IDH2: variants seen among roughly 807,000 people sequenced by gnomAD.
The protein encoded by IDH2 is isocitrate dehydrogenase (NADP(+)) 2, also known as isocitrate dehydrogenase [NADP], mitochondrial.
In IDH2, 18 loss-of-function variants were observed where a neutral mutation model predicts 50.5. The observed-to-expected ratio is 0.36, with a 90% CI of 0.25 to 0.53. The LOEUF is 0.53. IDH2 is among the 20% of genes least tolerant of loss of function. The pLI is 0.92. For missense variants in IDH2, 518 were observed against 610.7 expected (o/e 0.85, Z 1.60); for synonymous variants, 280 against 239.8 (o/e 1.17, Z -1.55).
At position 90,100,585 on chromosome 15, in the gene IDH2, C is replaced by CTGGTAAGCTCTAACTT. The variant is rs1242122546; in HGVS notation, c.115+1690_115+1691insAAGTTAGAGCTTACCA. The CTGGTAAGCTCTAACTT allele has an allele frequency of 3.1e-6, 3 of 981,344 alleles. No homozygotes were observed. In the African/African-American group the frequency reaches 5.2e-5, roughly 17 times the overall value. The allele number at this position is 981,344 out of a possible 1,614,324, so 60.8% of individuals were successfully genotyped here. A position where few individuals can be genotyped will look rare whatever the true frequency, so the allele number is the denominator to read the frequency against. The stretch of plus-strand genomic sequence containing the variant: ...CCAAGCTCTAACTTACCAGAAACAT[C>CTGGTAAGCTCTAACTT]ACCAGCAGTCGCTGGAAGCCTATGG... On this transcript the variant is annotated intron_variant, in intron 1 of 10. Transcript: ENST00000330062. The surrounding 1 kb of genome is among the most constrained non-coding windows in gnomAD (Gnocchi z 4.1).
intron 7 of IDH2, among the ~76,000 whole-genome samples, 178 bp downstream of exon 7, chr15:90,086,934 C>T (rs1484846656): frequency 6.6e-6 from 1 of 152,100 alleles, no homozygotes; most frequent in East Asian, 1.9e-4. Context: ...CAGTCCAAAC[C>T]TAATTTGTGA....
In IDH2 at chr15:90,088,474, C is replaced by G; in HGVS notation, c.563G>C (p.Arg188Pro). ...QYKATDFVADRAGTFKMVFTP... is the reference protein window; with the variant it reads ...QYKATDFVADPAGTFKMVFTP... The stretch of plus-strand genomic sequence containing the variant: ...GAAGACCATTTTGAAAGTGCCGGCC[C>G]GGTCTGCCACAAAGTCTGTGGCCTT... The change falls in exon 5 of 11, where the codon CGG (arginine) becomes CCG (proline). Residue 188 changes from arginine to proline, a missense_variant. Around this residue, in one of 5 missense-constraint regions of IDH2, gnomAD observed 207 missense variants for 208.6 expected, o/e 0.99. Coordinates refer to ENST00000330062, the MANE Select transcript of IDH2 (RefSeq NM_002168.4). 1 of 1,614,192 alleles carries G rather than the reference C, an allele frequency of 6.2e-7. No homozygotes were observed. Among genetic ancestry groups the G allele is most frequent in the Non-Finnish European group, 8.5e-7 (1 of 1,180,046 alleles).
At position 90,102,326 on chromosome 15, in the gene IDH2, G is replaced by A. The variant is rs770871840; in HGVS notation, c.65C>T (p.Ala22Val). The A allele has an allele frequency of 1.4e-4, 194 of 1,360,448 alleles. No individual in the cohort carries two copies. The highest frequency in any genetic ancestry group is 1.8e-4 in the Non-Finnish European group (186 of 1,046,758). 84.3% of individuals were successfully genotyped at this position (1,360,448 alleles called of 1,614,324 possible). A position where few individuals can be genotyped will look rare whatever the true frequency, so the allele number is the denominator to read the frequency against. ...GGTGGGGGCTGTCAGGGCCGCCGGCGCCCAGGCCGGCCGCGAGCCTGAGGC... is the reference window on the plus strand; with the variant it reads ...GGTGGGGGCTGTCAGGGCCGCCGGCACCCAGGCCGGCCGCGAGCCTGAGGC... ...CRASGSRPAWAPAALTAPTSQ... is the reference protein window; with the variant it reads ...CRASGSRPAWVPAALTAPTSQ... The change falls in exon 1 of 11, where the codon GCG (alanine) becomes GTG (valine). Residue 22 changes from alanine (A) to valine (V), a missense_variant. Physicochemically the swap from Ala to Val is moderately conservative, Grantham distance 64. This residue lies in a region of IDH2 where 85 missense variants were observed against 66.9 expected (regional missense o/e 1.27). Coordinates refer to ENST00000330062, the MANE Select transcript of IDH2 (RefSeq NM_002168.4).
rs1254490189 is a variant in IDH2 at position 90,088,689 on chromosome 15, C to A, written c.432G>T (p.Gly144=). 2.5e-6 allele frequency: 4 copies of A among 1,614,092 alleles called. No homozygotes were observed. The highest frequency in any genetic ancestry group is 3.4e-6 in the Non-Finnish European group (4 of 1,180,020). ...SPNGTIRNIL[G]GTVFREPIIC... ...TGATGGGCTCCCGGAAGACAGTCCC[C>A]CCCAGGATGTTCCGGATAGTTCCAT... Residue 144 remains glycine (G), a synonymous_variant, in exon 4 of 11, where the codon GGG becomes GGT. Coordinates refer to ENST00000330062, the MANE Select transcript of IDH2 (RefSeq NM_002168.4).
At chr15:90,088,217 C>A in intron 5 of IDH2, 142 bp downstream of exon 5, 1 of 1,095,888 alleles carries the variant, frequency 9.1e-7, no homozygotes. Flanking sequence ...CAAGTGTCAG[C>A]CACCATGCCC....
chr15:90,101,114 G>A (rs150578691), intron 1 of IDH2, among the ~76,000 whole-genome samples: 24 of 152,238 alleles, frequency 1.6e-4, no homozygotes, highest in Admixed American at 3.3e-4. Flanking sequence ...AGGTACAAAA[G>A]CAGACATGCC....
At chr15:90,086,165 T>G (rs749171139) in intron 7 of IDH2, among the ~76,000 whole-genome samples, 1 of 152,176 alleles carries the variant, frequency 6.6e-6, no homozygotes, top group Non-Finnish European at 1.5e-5. Context: ...CTTTCCAAAG[T>G]AAAGCCAAAG....
At chr15:90,089,352 C>T (rs777454828) in intron 3 of IDH2, among the ~76,000 whole-genome samples, 13 of 152,184 alleles carry the variant, frequency 8.5e-5, no homozygotes, top group African/African-American at 1.7e-4. Flanking sequence ...GAACGGTGCC[C>T]GGTCCATGCT....
rs574531670 is a variant in IDH2, at chr15:90,092,021, A to G, written c.116-377T>C. Among the ~76,000 whole-genome samples, 2 of 152,168 alleles carry G rather than the reference A, an allele frequency of 1.3e-5. 1 individual carries two copies. The highest frequency in any genetic ancestry group is 4.1e-4 in the South Asian group (2 of 4,826). On this transcript the variant is annotated intron_variant, in intron 1 of 10. Coordinates refer to ENST00000330062, the MANE Select transcript of IDH2 (RefSeq NM_002168.4). ...GAGGGATCTAGGTTGCATACTCCTTATGAGAATCTAATGCCTGATGATCTG... is the reference window on the plus strand; with the variant it reads ...GAGGGATCTAGGTTGCATACTCCTTGTGAGAATCTAATGCCTGATGATCTG...
rs1474872818 is a variant in IDH2 at position 90,098,971 on chromosome 15, G to A, written c.115+3305C>T. Among the ~76,000 whole-genome samples the A allele has an allele frequency of 6.6e-6, 1 of 152,062 alleles. No homozygotes were observed. Among genetic ancestry groups the A allele is most frequent in the East Asian group, 1.9e-4 (1 of 5,184 alleles). Reference sequence around the variant, plus strand: ...CTTGCCATAAGTGAGTGCCTGCTGCGTATCTAGATTTTTATGTAAAATCGC... The same window carrying A: ...CTTGCCATAAGTGAGTGCCTGCTGCATATCTAGATTTTTATGTAAAATCGC... On this transcript the variant is annotated intron_variant, in intron 1 of 10. Transcript: ENST00000330062. This position sits in a 1 kb window ranked among gnomAD's most constrained non-coding sequence, Gnocchi z 5.1.
chr15:90,084,543 T>C lies in IDH2; in HGVS notation c.1272-190A>G, dbSNP rs1471892988. ...CGAGATTCGGCAGGCACCCGCAGGG[T>C]CTGTCTTGCCAGGTAACTGCTCTCC... On this transcript the variant is annotated intron_variant, in intron 10 of 10. Coordinates refer to ENST00000330062, the MANE Select transcript of IDH2 (RefSeq NM_002168.4). This position sits in a 1 kb window ranked among gnomAD's most constrained non-coding sequence, Gnocchi z 5.0. 6.7e-6 allele frequency among the ~76,000 whole-genome samples: 1 copy of C among 149,320 alleles called. No homozygotes were observed. Among genetic ancestry groups the C allele is most frequent in the African/African-American group, 2.5e-5 (1 of 40,092 alleles).
rs1901031960 is a variant in IDH2, at chr15:90,091,409, GA to G, written c.207+143del. ...GTGGACCAGATGTGAAAGAAGGGTA[GA>G]CAGAGGGAGAGAAACAGAGCTGCTG... On this transcript the variant is annotated intron_variant, in intron 2 of 10. Transcript: ENST00000330062. 95 of 723,218 alleles carry G rather than the reference GA, an allele frequency of 1.3e-4. 1 individual carries two copies. The South Asian group carries it at 1.4e-3, about 10-fold the overall frequency. 44.8% of individuals were successfully genotyped at this position (723,218 alleles called of 1,614,324 possible). A position where few individuals can be genotyped will look rare whatever the true frequency, so the allele number is the denominator to read the frequency against.
rs537406274 is a variant in IDH2 at position 90,091,779 on chromosome 15, C to A, written c.116-135G>T. ...CTCCAGCTGCCCGGTGTCCACTCCCCCGTCTGCAAATCAGCTCCCTCACTG... is the reference window on the plus strand; with the variant it reads ...CTCCAGCTGCCCGGTGTCCACTCCCACGTCTGCAAATCAGCTCCCTCACTG... On this transcript the variant is annotated intron_variant, in intron 1 of 10. Transcript: ENST00000330062. 32 of 760,992 alleles carry A rather than the reference C, an allele frequency of 4.2e-5. 1 individual carries two copies. In the Admixed American group the frequency reaches 5.1e-4, roughly 12 times the overall value. The allele number at this position is 760,992 out of a possible 1,614,324, so 47.1% of individuals were successfully genotyped here. A position where few individuals can be genotyped will look rare whatever the true frequency, so the allele number is the denominator to read the frequency against.
chr15:90,102,362 G>T lies in IDH2; in HGVS notation c.29C>A (p.Ser10Ter). The T allele has an allele frequency of 1.5e-6, 2 of 1,367,858 alleles. No homozygotes were observed. The highest frequency in any genetic ancestry group is 2.6e-5 in the Admixed American group (1 of 38,888). The allele number at this position is 1,367,858 out of a possible 1,614,324, so 84.7% of individuals were successfully genotyped here. A position where few individuals can be genotyped will look rare whatever the true frequency, so the allele number is the denominator to read the frequency against. ...CCGCGAGCCTGAGGCTCTGCAGAGC[G>T]AGCGCACGACCCGCAGGTAGCCGGC... is the stretch of plus-strand genomic sequence containing the variant. The part of the protein sequence containing the change: MAGYLRVVR[S>*]LCRASGSRPA... The change falls in exon 1 of 11, where the codon TCG (serine) becomes TAG (stop). Residue 10 changes from serine to a stop codon, truncating the protein, a stop_gained. Coordinates refer to ENST00000330062, the MANE Select transcript of IDH2 (RefSeq NM_002168.4). LOFTEE classifies it high-confidence loss of function.
rs1567259757 is a variant in IDH2, at chr15:90,098,542, G to GTATGTATGCATGTATGTATT, written c.115+3733_115+3734insAATACATACATGCATACATA. On this transcript the variant is annotated intron_variant, in intron 1 of 10. Transcript: ENST00000330062. The surrounding 1 kb of genome is among the most constrained non-coding windows in gnomAD (Gnocchi z 5.1). Reference sequence around the variant, plus strand: ...TGTATGTATGCATGCATGTATGTATGTATGTATGTATGTATGTATTGAGAC... The same window carrying GTATGTATGCATGTATGTATT: ...TGTATGTATGCATGCATGTATGTATGTATGTATGCATGTATGTATTTATGTATGTATGTATGTATTGAGAC... Among the ~76,000 whole-genome samples the GTATGTATGCATGTATGTATT allele has an allele frequency of 5.3e-5, 8 of 151,762 alleles. No individual in the cohort carries two copies. Among genetic ancestry groups the GTATGTATGCATGTATGTATT allele is most frequent in the African/African-American group, 1.9e-4 (8 of 41,298 alleles).
chr15:90,102,239 G>C, intron 1 of IDH2, 37 bp downstream of exon 1: 1 of 922,926 alleles, frequency 1.1e-6, no homozygotes. Flanking sequence ...CGCAGCTGGG[G>C]GCGCGCGCCT....
chr15:90,084,910 T>C lies in IDH2; in HGVS notation c.1179-2A>G. ...ACCTTCTCCAGCATCTGGGCAAACC[T>C]ATGGGGATGGGGCAGAATGAGACCC... On this transcript the variant is annotated splice_acceptor_variant, in intron 9 of 10. Transcript: ENST00000330062. LOFTEE classifies it high-confidence loss of function. This position sits in a 1 kb window ranked among gnomAD's most constrained non-coding sequence, Gnocchi z 5.0. The C allele has an allele frequency of 6.2e-7, 1 of 1,613,836 alleles. No homozygotes were observed. The highest frequency in any genetic ancestry group is 8.5e-7 in the Non-Finnish European group (1 of 1,179,872).
chr15:90,086,719 A>G (rs16943899), intron 7 of IDH2, among the ~76,000 whole-genome samples: 1,568 of 152,184 alleles, frequency 0.01, 23 homozygotes, highest in African/African-American at 0.036. Context: ...GGCTTCCCCA[A>G]CATTCTCTTC....
At position 90,088,494 on chromosome 15, in the gene IDH2, G is replaced by A; in HGVS notation, c.543C>T (p.Ala181=). 6.2e-7 allele frequency: 1 copy of A among 1,614,238 alleles called. No individual in the cohort carries two copies. Among genetic ancestry groups the A allele is most frequent in the South Asian group, 1.1e-5 (1 of 91,084 alleles). Residue 181 remains alanine, a synonymous_variant, in exon 5 of 11, where the codon GCC becomes GCT. Coordinates refer to ENST00000330062, the MANE Select transcript of IDH2 (RefSeq NM_002168.4). ...CGGCCCGGTCTGCCACAAAGTCTGT[G>A]GCCTTGTACTGCAGAGACAAGAGGA... The part of the protein sequence containing the change: ...GRHAHGDQYK[A]TDFVADRAGT...
Sources: allele counts gnomAD v4.1 joint callset (sites outside exome capture counted in the v4.1 genomes callset), GRCh38; gene constraint gnomAD v4.1.1; regional missense constraint gnomAD v4.1.1; non-coding constraint Gnocchi (gnomAD v3.1); transcripts MANE v1.5; gene names NCBI Gene and HGNC (gene_info 2026-07-23, HGNC 2026-07-21).